Variants in GALNT1 observed in about 807,000 individuals in gnomAD.
GALNT1 encodes the protein polypeptide N-acetylgalactosaminyltransferase 1.
Under a neutral mutation model 65.7 loss-of-function variants are expected in GALNT1, and 17 were observed. The observed-to-expected ratio is 0.26, with a 90% confidence interval of 0.18 to 0.39. The LOEUF (loss-of-function observed/expected upper bound fraction) is 0.39, where lower values mean the gene tolerates loss of function less well. Ranked by LOEUF, GALNT1 falls within the 10% of genes least tolerant of loss-of-function variation. GALNT1 has a pLI of 1.00. For missense variants in GALNT1, 460 were observed against 672.8 expected (o/e 0.68, Z 3.50); for synonymous variants, 210 against 219.7 (o/e 0.96, Z 0.39).
chr18:35,635,892 C>G (rs2047082382), intron 1 of GALNT1, among the ~76,000 whole-genome samples: 1 of 152,016 alleles, frequency 6.6e-6, no homozygotes, highest in African/African-American at 2.4e-5. Flanking sequence ...CAAAATTAAC[C>G]TTCACTTTGT....
At chr18:35,688,053 A>G (rs967525509) in intron 6 of GALNT1, among the ~76,000 whole-genome samples, 6 of 152,116 alleles carry the variant, frequency 3.9e-5, no homozygotes, top group Non-Finnish European at 8.8e-5. Context: ...GCAATTCACT[A>G]TCTAAATCAG....
intron 1 of GALNT1, among the ~76,000 whole-genome samples, chr18:35,632,745 C>T (rs1217920207): frequency 2.0e-5 from 3 of 152,084 alleles, no homozygotes; most frequent in South Asian, 2.1e-4. Context: ...AAAGAAACTA[C>T]CATCAGAGTG....
intron 6 of GALNT1, among the ~76,000 whole-genome samples, chr18:35,687,633 CTTG>C (rs1428646452): frequency 6.6e-6 from 1 of 152,000 alleles, no homozygotes; most frequent in Non-Finnish European, 1.5e-5. Flanking sequence ...GTTAGAAAAG[CTTG>C]TGTAAAACAT....
intron 1 of GALNT1, among the ~76,000 whole-genome samples, chr18:35,648,127 G>T (rs1412779222): frequency 7.0e-6 from 1 of 141,992 alleles, no homozygotes; most frequent in African/African-American, 2.6e-5. Flanking sequence ...AAAGAGGGAG[G>T]GAAGGAAGGA....
At chr18:35,583,256 CCGCTG>C (rs1357723398) in intron 1 of GALNT1, among the ~76,000 whole-genome samples, 1 of 152,132 alleles carries the variant, frequency 6.6e-6, no homozygotes, top group African/African-American at 2.4e-5. Context: ...ATGTGAAGCC[CCGCTG>C]CACATCAACT....
chr18:35,615,882 G>A (rs931811992), intron 1 of GALNT1, among the ~76,000 whole-genome samples: 4 of 152,192 alleles, frequency 2.6e-5, no homozygotes, highest in Non-Finnish European at 4.4e-5. Context: ...CATGGCAGAG[G>A]TTGGCAGACT....
At chr18:35,670,598 A>G (rs975391006) in intron 3 of GALNT1, among the ~76,000 whole-genome samples, 1 of 152,242 alleles carries the variant, frequency 6.6e-6, no homozygotes, top group African/African-American at 2.4e-5. Flanking sequence ...GGTTTGATGC[A>G]GTGCCAATCA....
At chr18:35,589,448 A>T (rs1027999427) in intron 1 of GALNT1, among the ~76,000 whole-genome samples, 11 of 151,962 alleles carry the variant, frequency 7.2e-5, no homozygotes, top group Non-Finnish European at 1.5e-4. Context: ...TTTTCCTATC[A>T]GTTTTCTGTC....
chr18:35,627,527 C>T (rs1324859151), intron 1 of GALNT1: 1 of 152,128 alleles, frequency 6.6e-6, no homozygotes, highest in Non-Finnish European at 1.5e-5. Context: ...GGCTCTACTT[C>T]TCTTACATTG....
intron 7 of GALNT1, among the ~76,000 whole-genome samples, chr18:35,690,701 G>A (rs943248565): frequency 1.8e-4 from 28 of 152,138 alleles, no homozygotes; most frequent in Non-Finnish European, 7.4e-5. Flanking sequence ...CACTGGCTTT[G>A]TAACCTAACC....
rs1443308712 is a variant in GALNT1, at chr18:35,702,827, A to G, written c.1300-70A>G. On this transcript the variant is annotated intron_variant, in intron 9 of 11. Coordinates refer to ENST00000269195, the MANE Select transcript of GALNT1 (RefSeq NM_020474.4). Reference sequence around the variant, plus strand: ...AAGTTTAGGTTGATATTTAGTGTATATGTGTGTGTATCTGTCTGTCTAATT... The same window carrying G: ...AAGTTTAGGTTGATATTTAGTGTATGTGTGTGTGTATCTGTCTGTCTAATT... The G allele has an allele frequency of 8.1e-6, 8 of 992,582 alleles. No individual in the cohort carries two copies. In the East Asian group the frequency reaches 1.2e-4, roughly 15 times the overall value. 61.5% of individuals were successfully genotyped at this position (992,582 alleles called of 1,614,324 possible).
At chr18:35,674,954 G>T (rs950554005) in intron 3 of GALNT1, among the ~76,000 whole-genome samples, 5 of 122,678 alleles carry the variant, frequency 4.1e-5, no homozygotes, top group African/African-American at 1.6e-4. Context: ...CTGCACTCCA[G>T]CCTGAGCGAC....
intron 1 of GALNT1, among the ~76,000 whole-genome samples, chr18:35,620,843 A>T (rs1262156894): frequency 6.6e-6 from 1 of 151,608 alleles, no homozygotes; most frequent in Non-Finnish European, 1.5e-5. Flanking sequence ...CTCATGTGTA[A>T]GAGTTTCTCC....
chr18:35,629,963 C>T (rs2046982580), intron 1 of GALNT1, among the ~76,000 whole-genome samples: 1 of 152,074 alleles, frequency 6.6e-6, no homozygotes, highest in African/African-American at 2.4e-5. Context: ...ACAAAGAAGG[C>T]CATTACATAA....
chr18:35,639,877 A>G (rs1316157286), intron 1 of GALNT1, among the ~76,000 whole-genome samples: 4 of 152,002 alleles, frequency 2.6e-5, no homozygotes, highest in Non-Finnish European at 5.9e-5. Context: ...GCTCACTGCA[A>G]CCTCCACCTC....
chr18:35,685,196 C>T (rs912868922), intron 5 of GALNT1, among the ~76,000 whole-genome samples: 6 of 152,006 alleles, frequency 3.9e-5, no homozygotes, highest in Non-Finnish European at 7.4e-5. Flanking sequence ...CTCACAATAC[C>T]AGCAAACTAA....
intron 3 of GALNT1, among the ~76,000 whole-genome samples, chr18:35,670,037 C>A (rs1001213621): frequency 5.9e-5 from 9 of 152,068 alleles, no homozygotes; most frequent in Admixed American, 1.3e-4. Context: ...CACCTGTAAC[C>A]CTAGCACTTT....
Position 35,663,691 on chromosome 18 carries a change from C to G in GALNT1, c.203C>G (p.Pro68Arg), listed in dbSNP as rs751072237. 4 of 1,613,946 alleles carry G rather than the reference C, an allele frequency of 2.5e-6. No homozygotes were observed. The highest frequency in any genetic ancestry group is 2.2e-5 in the East Asian group (1 of 44,868). ...PGEMGKPVVIPKEDQEKMKEM... is the reference protein window; with the variant it reads ...PGEMGKPVVIRKEDQEKMKEM... ...GAAATGGGGAAACCAGTCGTCATTC[C>G]TAAAGAGGATCAAGAAAAGATGAAA... The change falls in exon 3 of 12, where the codon CCT (proline) becomes CGT (arginine). Residue 68 changes from proline to arginine, a missense_variant. Pro to Arg is a moderately radical substitution (Grantham distance 103, BLOSUM62 -2). Coordinates refer to ENST00000269195, the MANE Select transcript of GALNT1 (RefSeq NM_020474.4).
chr18:35,669,584 T>A (rs1422146419), intron 3 of GALNT1, among the ~76,000 whole-genome samples: 1 of 152,238 alleles, frequency 6.6e-6, no homozygotes, highest in African/African-American at 2.4e-5. Flanking sequence ...ATAAGTTATG[T>A]GATCATTTCA....
Sources: allele counts gnomAD v4.1 joint callset (sites outside exome capture counted in the v4.1 genomes callset), GRCh38; gene constraint gnomAD v4.1.1; transcripts MANE v1.5; gene names NCBI Gene and HGNC (gene_info 2026-07-23, HGNC 2026-07-21).